Variants in CEP192 observed in about 807,000 individuals in gnomAD.
The protein encoded by CEP192 is centrosomal protein 192.
In CEP192, 151 loss-of-function variants were observed where a neutral mutation model predicts 271.8. That is an observed-to-expected ratio of 0.56 (90% CI 0.49 to 0.64). The LOEUF (loss-of-function observed/expected upper bound fraction) is 0.64, where lower values mean the gene tolerates loss of function less well. CEP192 is among the 30% of genes least tolerant of loss of function. The pLI is 0.00. For synonymous variants in CEP192, 995 were observed against 1,076.5 expected, an observed-to-expected ratio of 0.92 and a Z score of 1.48; for missense variants, 2,910 against 3,020.5, an observed-to-expected ratio of 0.96 and a Z score of 0.86.
intron 30 of CEP192, among the ~76,000 whole-genome samples, chr18:13,074,490 G>A (rs993413669): frequency 6.6e-6 from 1 of 152,138 alleles, no homozygotes; most frequent in Non-Finnish European, 1.5e-5. Flanking sequence ...ATTTGTTTAG[G>A]TTTACTAGCC....
intron 11 of CEP192, among the ~76,000 whole-genome samples, chr18:13,034,966 T>A (rs1290720942): frequency 1.3e-5 from 2 of 152,334 alleles, no homozygotes; most frequent in Non-Finnish European, 2.9e-5. Context: ...ACAAATGGGC[T>A]GCTTCCACGT....
In CEP192 at chr18:13,052,903, T is replaced by C. The variant is rs200966634; in HGVS notation, c.3018-16T>C. The C allele has an allele frequency of 6.5e-7, 1 of 1,548,754 alleles. No individual in the cohort carries two copies. Among genetic ancestry groups the C allele is most frequent in the Non-Finnish European group, 8.8e-7 (1 of 1,140,116 alleles). On this transcript the variant is annotated splice_polypyrimidine_tract_variant and intron_variant, in intron 17 of 44. Coordinates refer to ENST00000506447, the MANE Select transcript of CEP192 (RefSeq NM_032142.4). The stretch of plus-strand genomic sequence containing the variant: ...GGACTGGAGAACTCCAGGTGTGAGC[T>C]ACTCTTCTCTTTCAGGTGTGCGTTA...
At chr18:12,997,756 G>T (rs1298069270) in intron 1 of CEP192, among the ~76,000 whole-genome samples, 1 of 152,026 alleles carries the variant, frequency 6.6e-6, no homozygotes, top group Admixed American at 6.5e-5. Flanking sequence ...ATAGAGTCTC[G>T]CTCCATCACC....
intron 32 of CEP192, 50 bp from the exon 33 acceptor site, chr18:13,089,406 T>C (rs762239851): frequency 1.1e-6 from 1 of 876,090 alleles, no homozygotes; most frequent in East Asian, 2.7e-5. Flanking sequence ...TTAAAGTTAT[T>C]TTATATATAA....
intron 21 of CEP192, among the ~76,000 whole-genome samples, chr18:13,064,043 TCTC>T (rs2037555197): frequency 2.0e-5 from 3 of 151,704 alleles, no homozygotes; most frequent in Admixed American, 1.3e-4. Flanking sequence ...CTGGTCTTGA[TCTC>T]CTGACCTTGT....
chr18:13,096,961 C>T (rs1410688477), intron 36 of CEP192, among the ~76,000 whole-genome samples: 4 of 152,196 alleles, frequency 2.6e-5, no homozygotes, highest in African/African-American at 9.7e-5. Flanking sequence ...ACTCCCACAT[C>T]TGCACGTTCC....
chr18:13,017,328 C>G lies in CEP192; in HGVS notation c.781C>G (p.Leu261Val). 6.5e-7 allele frequency: 1 copy of G among 1,537,350 alleles called. No homozygotes were observed. The highest frequency in any genetic ancestry group is 8.7e-7 in the Non-Finnish European group (1 of 1,142,970). ...AGGTTTTAAGTTACCTACAAATGGT[C>G]TTAGACAGGTGTGTTCCAGTCTTTA... ...EKGFKLPTNG[L>V]RQANENGSLN... Residue 261 changes from leucine to valine, a missense_variant, in exon 7 of 45, where the codon CTT (leucine) becomes GTT (valine). Transcript: ENST00000506447.
intron 38 of CEP192, among the ~76,000 whole-genome samples, chr18:13,101,397 C>T (rs570954778): frequency 1.3e-5 from 2 of 152,266 alleles, no homozygotes; most frequent in African/African-American, 4.8e-5. Flanking sequence ...GATGGGTTTA[C>T]TGGGACGTGA....
intron 44 of CEP192, among the ~76,000 whole-genome samples, chr18:13,123,481 C>A (rs2040768840): frequency 6.6e-6 from 1 of 152,146 alleles, no homozygotes; most frequent in African/African-American, 2.4e-5. Context: ...CTCTTGTGCA[C>A]CCAAGAGCGA....
intron 32 of CEP192, among the ~76,000 whole-genome samples, 178 bp downstream of exon 32, chr18:13,087,824 C>T (rs559275242): frequency 5.9e-5 from 9 of 152,250 alleles, no homozygotes; most frequent in Middle Eastern, 6.8e-3. Flanking sequence ...AAGAAATACC[C>T]GTAGGAAATT....
chr18:13,034,050 C>T (rs900137914), intron 11 of CEP192, among the ~76,000 whole-genome samples: 4 of 152,056 alleles, frequency 2.6e-5, no homozygotes, highest in Non-Finnish European at 1.5e-5. Flanking sequence ...CCTTGTAAGT[C>T]TTTGGTTAAC....
At chr18:13,122,355 C>T (rs561684180) in intron 44 of CEP192, among the ~76,000 whole-genome samples, 1 of 152,172 alleles carries the variant, frequency 6.6e-6, no homozygotes, top group Non-Finnish European at 1.5e-5. Context: ...TTGGGAGGCA[C>T]AGGTTGCAGT....
At chr18:13,124,583 C>A in intron 44 of CEP192, 49 bp from the exon 45 acceptor site, 1 of 1,562,486 alleles carries the variant, frequency 6.4e-7, no homozygotes, top group Non-Finnish European at 8.7e-7. Flanking sequence ...GGGACAGGGT[C>A]ACGGGTGCTG....
chr18:13,007,022 T>C (rs892490266), intron 3 of CEP192, among the ~76,000 whole-genome samples: 1 of 152,152 alleles, frequency 6.6e-6, no homozygotes, highest in African/African-American at 2.4e-5. Context: ...CCTCCCCGAC[T>C]CCCTTCTGCC....
In CEP192 at chr18:13,087,143, G is replaced by A. The variant is rs1476935516; in HGVS notation, c.5743G>A (p.Val1915Ile). ...CAAAGAAAGTAAAATTGTTTTTTCT[G>A]TCCGCAACACTGGCTCCCGAGCAGC... ...PGKESKIVFS[V>I]RNTGSRAAFV... Residue 1915 changes from valine (V) to isoleucine (I), a missense_variant, in exon 31 of 45, where the codon GTC becomes ATC. Val to Ile is a conservative substitution (Grantham distance 29). Coordinates refer to ENST00000506447, the MANE Select transcript of CEP192 (RefSeq NM_032142.4). 1 of 1,614,096 alleles carries A rather than the reference G, an allele frequency of 6.2e-7. No individual in the cohort carries two copies. Among genetic ancestry groups the A allele is most frequent in the Non-Finnish European group, 8.5e-7 (1 of 1,179,990 alleles).
Position 13,018,532 on chromosome 18 carries a change from C to G in CEP192, c.842C>G (p.Ser281Cys). Residue 281 changes from serine to cysteine, a missense_variant, in exon 8 of 45, where the codon TCT (serine) becomes TGT (cysteine). Physicochemically the swap from Ser to Cys is moderately radical, Grantham distance 112 (BLOSUM62 -1). Coordinates refer to ENST00000506447, the MANE Select transcript of CEP192 (RefSeq NM_032142.4). ...NCKFQSENNS[S>C]LISLDSHSSE... ...AAGTTTCAATCAGAAAATAACAGCT[C>G]TCTGATTTCCCTCGACTCACACTCT... is the stretch of plus-strand genomic sequence containing the variant. The G allele has an allele frequency of 6.5e-7, 1 of 1,539,920 alleles. No individual in the cohort carries two copies.
At chr18:12,997,413 CAA>C (rs1016982070) in intron 1 of CEP192, among the ~76,000 whole-genome samples, 48 of 152,154 alleles carry the variant, frequency 3.2e-4, no homozygotes, top group African/African-American at 1.1e-3. Flanking sequence ...AAGCAAGAAA[CAA>C]AGACAATTAT....
intron 1 of CEP192, among the ~76,000 whole-genome samples, chr18:12,992,278 A>G (rs369600725): frequency 6.6e-6 from 1 of 152,304 alleles, no homozygotes; most frequent in African/African-American, 2.4e-5. Context: ...ACAATAATAT[A>G]CCAAATGCCT....
In CEP192 at chr18:13,069,251, G is replaced by C. The variant is rs908741247; in HGVS notation, c.5055+70G>C. 3 of 1,325,272 alleles carry C rather than the reference G, an allele frequency of 2.3e-6. No homozygotes were observed. In the African/African-American group the frequency reaches 4.3e-5, roughly 19 times the overall value. The allele number at this position is 1,325,272 out of a possible 1,614,324, so 82.1% of individuals were successfully genotyped here. A position where few individuals can be genotyped will look rare whatever the true frequency, so the allele number is the denominator to read the frequency against. On this transcript the variant is annotated intron_variant, in intron 26 of 44. Transcript: ENST00000506447. The stretch of plus-strand genomic sequence containing the variant: ...CTGTGAGAGCTCCTTGCTTTCTGCA[G>C]GCTGTTGTGCTCTTCCTGGCCCAAC...
Sources: allele counts gnomAD v4.1 joint callset (sites outside exome capture counted in the v4.1 genomes callset), GRCh38; gene constraint gnomAD v4.1.1; transcripts MANE v1.5; gene names NCBI Gene and HGNC (gene_info 2026-07-23, HGNC 2026-07-21).